CDK14: variants seen among roughly 807,000 people sequenced by gnomAD.
The protein encoded by CDK14 is cyclin dependent kinase 14, also known as cyclin-dependent kinase 14.
A neutral mutation model predicts 60.7 loss-of-function variants in CDK14; 34 were observed. The observed-to-expected ratio is 0.56, with a 90% CI of 0.43 to 0.75. The LOEUF (loss-of-function observed/expected upper bound fraction) is 0.75. Ranked by LOEUF, CDK14 falls within the 30% of genes least tolerant of loss-of-function variation. CDK14 has a pLI of 0.00. For missense variants in CDK14, 482 were observed against 564.1 expected, an observed-to-expected ratio of 0.85 and a Z score of 1.47; for synonymous variants, 197 against 203.7, an observed-to-expected ratio of 0.97 and a Z score of 0.28.
intron 10 of CDK14, among the ~76,000 whole-genome samples, chr7:91,036,398 A>T (rs1415891312): frequency 6.6e-6 from 1 of 152,190 alleles, no homozygotes; most frequent in Non-Finnish European, 1.5e-5. Context: ...TTATCATTGT[A>T]CACAATATAC....
At chr7:91,054,088 A>ATTT (rs10675646) in intron 11 of CDK14, among the ~76,000 whole-genome samples, 16,869 of 112,876 alleles carry the variant, frequency 0.15, 1,860 homozygotes, top group African/African-American at 0.26. Flanking sequence ...CTGCAAAATA[A>ATTT]TTTTTTTTTT....
intron 2 of CDK14, among the ~76,000 whole-genome samples, chr7:90,627,021 T>C (rs1416037109): frequency 6.6e-6 from 1 of 152,084 alleles, no homozygotes. Context: ...CAGATAACTT[T>C]ACTTTTATTA....
chr7:91,186,003 T>C (rs1349777917), intron 14 of CDK14, among the ~76,000 whole-genome samples: 7 of 152,272 alleles, frequency 4.6e-5, no homozygotes, highest in Admixed American at 4.6e-4. Context: ...ATCATGCATA[T>C]GTGGCCTTTT....
intron 10 of CDK14, among the ~76,000 whole-genome samples, chr7:90,991,105 G>T (rs1795519964): frequency 6.6e-6 from 1 of 152,090 alleles, no homozygotes; most frequent in Non-Finnish European, 1.5e-5. Flanking sequence ...TTCAAATTTG[G>T]GGAATTAAGT....
At position 90,668,699 on chromosome 7, in the gene CDK14, C is replaced by CTTTTTTTTTTTTTTTTTTTTTTTTT. The variant is rs59773768; in HGVS notation, c.124-57865_124-57841dup. On this transcript the variant is annotated intron_variant, in intron 2 of 14. Transcript: ENST00000380050. ...TATGGTGTAAGGAAGGACTCGCATT[C>CTTTTTTTTTTTTTTTTTTTTTTTTT]TTTTTTTTTTTTTTTTTTTTTTTTT... is the stretch of plus-strand genomic sequence containing the variant. 2.3e-5 allele frequency among the ~76,000 whole-genome samples: 2 copies of CTTTTTTTTTTTTTTTTTTTTTTTTT among 87,538 alleles called. 1 individual carries two copies. Among genetic ancestry groups the CTTTTTTTTTTTTTTTTTTTTTTTTT allele is most frequent in the African/African-American group, 8.7e-5 (2 of 23,110 alleles). The allele number at this position is 87,538 out of a possible 152,430, so 57.4% of individuals were successfully genotyped here.
At chr7:91,193,697 G>A (rs1404433548) in intron 14 of CDK14, among the ~76,000 whole-genome samples, 2 of 151,808 alleles carry the variant, frequency 1.3e-5, no homozygotes, top group Non-Finnish European at 2.9e-5. Context: ...AAGAATTTAT[G>A]GTCAAGAGAG....
At chr7:90,969,134 A>C (rs1047245257) in intron 9 of CDK14, among the ~76,000 whole-genome samples, 3 of 152,180 alleles carry the variant, frequency 2.0e-5, no homozygotes, top group African/African-American at 7.2e-5. Context: ...GGACCCTGTT[A>C]ATCTGTACCG....
intron 2 of CDK14, among the ~76,000 whole-genome samples, chr7:90,696,242 G>A (rs374063539): frequency 1.2e-3 from 182 of 152,208 alleles, no homozygotes; most frequent in African/African-American, 4.2e-3. Flanking sequence ...TGTAAAGGTA[G>A]GCTCATATTG....
chr7:91,179,823 T>C (rs1801935828), intron 14 of CDK14, among the ~76,000 whole-genome samples: 1 of 152,148 alleles, frequency 6.6e-6, no homozygotes, highest in Admixed American at 6.5e-5. Flanking sequence ...AAGTTTACTT[T>C]TATTTTTAAT....
intron 2 of CDK14, among the ~76,000 whole-genome samples, chr7:90,711,527 A>G (rs1584810805): frequency 6.6e-6 from 1 of 152,078 alleles, no homozygotes; most frequent in African/African-American, 2.4e-5. Flanking sequence ...AAGTTTGCGA[A>G]AAGTAATTTT....
rs943785269 is a variant in CDK14, at chr7:90,748,757, A to T, written c.464+982A>T. 2.1e-4 allele frequency among the ~76,000 whole-genome samples: 32 copies of T among 152,050 alleles called. 1 individual carries two copies. Among genetic ancestry groups the T allele is most frequent in the Middle Eastern group, 3.4e-3 (1 of 294 alleles). ...GCCATCATGTCTGGCTATTTTTTTT[A>T]AAAAACTCTTTTGCAGAAACGGAAT... On this transcript the variant is annotated intron_variant, in intron 4 of 14. Transcript: ENST00000380050.
chr7:91,024,663 C>T (rs974614226), intron 10 of CDK14, among the ~76,000 whole-genome samples: 1 of 152,102 alleles, frequency 6.6e-6, no homozygotes, highest in Non-Finnish European at 1.5e-5. Flanking sequence ...AAATAAATAA[C>T]TAAACAAGTT....
chr7:91,148,863 G>A (rs978302202), intron 14 of CDK14, among the ~76,000 whole-genome samples: 1 of 152,088 alleles, frequency 6.6e-6, no homozygotes, highest in Non-Finnish European at 1.5e-5. Context: ...CCTACTGCCT[G>A]TAAGGGGCTG....
chr7:90,994,057 A>AT (rs1431262161), intron 10 of CDK14, among the ~76,000 whole-genome samples: 2 of 152,048 alleles, frequency 1.3e-5, no homozygotes, highest in Non-Finnish European at 2.9e-5. Flanking sequence ...TGTTCTGGTT[A>AT]TTTTTTCTCA....
At chr7:91,014,033 T>C (rs999557946) in intron 10 of CDK14, among the ~76,000 whole-genome samples, 3 of 152,048 alleles carry the variant, frequency 2.0e-5, no homozygotes, top group Admixed American at 6.6e-5. Context: ...GTTTTATTAG[T>C]TGTCAAGGTA....
chr7:91,074,137 G>T (rs921607083), intron 11 of CDK14, among the ~76,000 whole-genome samples: 4 of 152,118 alleles, frequency 2.6e-5, no homozygotes, highest in Non-Finnish European at 5.9e-5. Context: ...CTCAGCTCTG[G>T]ATCAAGTGGA....
At chr7:91,199,076 G>A (rs976958605) in intron 14 of CDK14, among the ~76,000 whole-genome samples, 2 of 152,134 alleles carry the variant, frequency 1.3e-5, no homozygotes, top group Non-Finnish European at 2.9e-5. Context: ...GGAGGGTTAA[G>A]GGTCAGAATC....
At chr7:90,708,858 C>T (rs867793320) in intron 2 of CDK14, among the ~76,000 whole-genome samples, 5 of 152,182 alleles carry the variant, frequency 3.3e-5, no homozygotes, top group South Asian at 4.1e-4. Context: ...GTATCTTAAT[C>T]TAATTTATGT....
intron 8 of CDK14, among the ~76,000 whole-genome samples, chr7:90,950,310 G>A (rs1794219299): frequency 6.6e-6 from 1 of 152,090 alleles, no homozygotes; most frequent in Non-Finnish European, 1.5e-5. Context: ...TCCTTCAGGT[G>A]ACCCACCTGC....
Sources: allele counts gnomAD v4.1 joint callset (sites outside exome capture counted in the v4.1 genomes callset), GRCh38; gene constraint gnomAD v4.1.1; transcripts MANE v1.5; gene names NCBI Gene and HGNC (gene_info 2026-07-23, HGNC 2026-07-21).